The following PMFBP1 variants were observed in gnomAD, a reference collection of about 807,000 sequenced individuals.
PMFBP1 encodes the protein polyamine-modulated factor 1-binding protein 1.
PMFBP1 carries 131 observed loss-of-function variants against 137.8 expected under a neutral mutation model. The observed-to-expected ratio is 0.95, with a 90% CI of 0.82 to 1.10. PMFBP1 has a LOEUF of 1.10. Among genes scored for constraint, PMFBP1 ranks in the 50% least tolerant of loss-of-function variants. PMFBP1 has a pLI of 0.00. For missense variants in PMFBP1, 1,199 were observed against 1,175.4 expected (o/e 1.02, Z -0.29); for synonymous variants, 490 against 450.4 (o/e 1.09, Z -1.11).
intron 19 of PMFBP1, among the ~76,000 whole-genome samples, chr16:72,121,382 A>G (rs977916716): frequency 2.0e-5 from 3 of 152,126 alleles, no homozygotes; most frequent in African/African-American, 7.2e-5. Flanking sequence ...CAAAGCCTTC[A>G]ATATCCCATA....
chr16:72,122,314 C>T (rs1307801162), intron 19 of PMFBP1, among the ~76,000 whole-genome samples: 2 of 152,158 alleles, frequency 1.3e-5, no homozygotes, highest in East Asian at 1.9e-4. Context: ...GGTTGGGAAG[C>T]GCTGTCCTAA....
upstream of PMFBP1, among the ~76,000 whole-genome samples, chr16:72,181,501 G>A (rs1298192891): frequency 6.6e-6 from 1 of 151,832 alleles, no homozygotes; most frequent in African/African-American, 2.4e-5. Flanking sequence ...CTCAAACATT[G>A]GGTCCCAATC....
rs181230877 is a variant in PMFBP1 at position 72,143,918 on chromosome 16, G to A, written c.637-3336C>T. Among the ~76,000 whole-genome samples, 222 of 152,252 alleles carry A rather than the reference G, an allele frequency of 1.5e-3. 3 individuals are homozygous for A. Among genetic ancestry groups the A allele is most frequent in the Admixed American group, 0.012 (191 of 15,288 alleles). On this transcript the variant is annotated intron_variant, in intron 5 of 20. Transcript: ENST00000237353. ...TAGCCAGGCCTGGTGGCACATGCCT[G>A]TAATCCCAGCTACTCGGGAGGCTGA...
chr16:72,231,269 CCAACAGTAA>C, the PMFBP1 span, among the ~76,000 whole-genome samples: 18 of 152,104 alleles, frequency 1.2e-4, no homozygotes, highest in African/African-American at 4.1e-4. Context: ...AAAGTCACAA[CCAACAGTAA>C]CAACCTTTTC....
intron 1 of PMFBP1, chr16:72,171,678 AC>A (rs1417410752): frequency 6.4e-6 from 1 of 155,258 alleles, no homozygotes; most frequent in Non-Finnish European, 1.4e-5. Context: ...AGGGACTACT[AC>A]TATCCTCATT....
the PMFBP1 span, among the ~76,000 whole-genome samples, chr16:72,204,850 C>T: frequency 6.6e-6 from 1 of 152,132 alleles, no homozygotes; most frequent in African/African-American, 2.4e-5. Flanking sequence ...TAGCCCTAGC[C>T]ACGGGTGACT....
rs929810667 is a variant in PMFBP1 at position 72,154,525 on chromosome 16, AT to A, written c.166-67del. 120 of 1,523,040 alleles carry A rather than the reference AT, an allele frequency of 7.9e-5. 1 individual carries two copies. The highest frequency in any genetic ancestry group is 1.1e-4 in the South Asian group (9 of 78,878). 94.3% of individuals were successfully genotyped at this position (1,523,040 alleles called of 1,614,324 possible). ...TCACTAAGGACGTATTCATTCCAGG[AT>A]TTTTTTTTCATTTGTTCAGTCATTC... On this transcript the variant is annotated intron_variant, in intron 3 of 20. Transcript: ENST00000237353.
At chr16:72,213,204 G>GT in the PMFBP1 span, among the ~76,000 whole-genome samples, 3 of 150,812 alleles carry the variant, frequency 2.0e-5, no homozygotes, top group Non-Finnish European at 3.0e-5. Flanking sequence ...GCCCGGGGGG[G>GT]GGTGGGGAAA....
At chr16:72,125,442 A>T in intron 15 of PMFBP1, 37 bp from the exon 16 acceptor site, 1 of 1,598,914 alleles carries the variant, frequency 6.3e-7, no homozygotes, top group East Asian at 2.2e-5. Flanking sequence ...TGGCTGTCAG[A>T]GACTTTGACC....
At chr16:72,238,837 G>C in the PMFBP1 span, among the ~76,000 whole-genome samples, 3 of 152,252 alleles carry the variant, frequency 2.0e-5, no homozygotes, top group East Asian at 3.9e-4. Context: ...AATGTCTAGA[G>C]ACATTTTAAT....
the PMFBP1 span, among the ~76,000 whole-genome samples, chr16:72,249,114 T>G: frequency 7.9e-5 from 12 of 152,162 alleles, no homozygotes; most frequent in Non-Finnish European, 1.3e-4. Flanking sequence ...AGAAGTTTCA[T>G]CGATGTTCTT....
chr16:72,170,462 C>CT (rs1454604828), intron 2 of PMFBP1, among the ~76,000 whole-genome samples: 1 of 152,122 alleles, frequency 6.6e-6, no homozygotes, highest in African/African-American at 2.4e-5. Flanking sequence ...GAGACAGGGT[C>CT]TTTGTCGCCC....
chr16:72,137,976 C>A (rs922651747), intron 7 of PMFBP1, among the ~76,000 whole-genome samples: 1 of 152,048 alleles, frequency 6.6e-6, no homozygotes, highest in African/African-American at 2.4e-5. Context: ...GAGAGGCCTG[C>A]TGGAAAAAGC....
At chr16:72,165,002 G>C in intron 2 of PMFBP1, 86 bp from the exon 3 acceptor site, 1 of 1,381,832 alleles carries the variant, frequency 7.2e-7, no homozygotes. Flanking sequence ...ACAGAGACTT[G>C]AAATTTGCTG....
the PMFBP1 span, among the ~76,000 whole-genome samples, chr16:72,225,413 G>A: frequency 4.3e-4 from 65 of 152,198 alleles, no homozygotes; most frequent in Middle Eastern, 3.4e-3. Flanking sequence ...CCACTGGCCC[G>A]GCACAGTGGC....
chr16:72,189,297 C>T, the PMFBP1 span, among the ~76,000 whole-genome samples: 4 of 152,196 alleles, frequency 2.6e-5, no homozygotes, highest in Non-Finnish European at 5.9e-5. Flanking sequence ...GCTCCAGAGT[C>T]CATGCCCTCA....
In PMFBP1 at chr16:72,154,158, T is replaced by C. The variant is rs1014093300; in HGVS notation, c.414+53A>G. ...CTGCTTTCTAGTGGGCTTGGTCTGA[T>C]TTCTGCAGGTACCTAAGAATGTGGG... On this transcript the variant is annotated intron_variant, in intron 4 of 20. Coordinates refer to ENST00000237353, the MANE Select transcript of PMFBP1 (RefSeq NM_031293.3). The C allele has an allele frequency of 3.3e-5, 53 of 1,593,926 alleles. No individual in the cohort carries two copies. The East Asian group carries it at 1.1e-3, about 33-fold the overall frequency.
chr16:72,224,391 C>T, the PMFBP1 span, among the ~76,000 whole-genome samples: 1 of 152,104 alleles, frequency 6.6e-6, no homozygotes, highest in East Asian at 1.9e-4. Context: ...ACTTCTGTGC[C>T]CCAAGACTTT....
At chr16:72,249,639 G>A in the PMFBP1 span, among the ~76,000 whole-genome samples, 8,887 of 151,730 alleles carry the variant, frequency 0.059, 344 homozygotes, top group East Asian at 0.14. Flanking sequence ...GCATCAGGCC[G>A]GGTGCAGTGT....
Sources: gnomAD v4.1 joint callset for allele counts (sites outside exome capture counted in the v4.1 genomes callset) on GRCh38, gnomAD v4.1.1 for gene constraint, MANE v1.5 for transcripts, NCBI Gene and HGNC (gene_info 2026-07-23, HGNC 2026-07-21) for gene names.